The following PDZD2 variants were observed in gnomAD, a reference collection of about 807,000 sequenced individuals.
PDZD2 encodes the protein PDZ domain-containing protein 2.
PDZD2 carries 90 observed loss-of-function variants against 220.7 expected under a neutral mutation model. The observed-to-expected ratio is 0.41, with a 90% CI of 0.34 to 0.49. PDZD2 has a LOEUF of 0.49. Among genes scored for constraint, PDZD2 ranks in the 20% least tolerant of loss-of-function variants. The pLI, the probability that PDZD2 is intolerant of heterozygous loss-of-function variation, is 0.28. For missense variants in PDZD2, 3,174 were observed against 3,608.5 expected, an observed-to-expected ratio of 0.88 and a Z score of 3.08; for synonymous variants, 1,375 against 1,450.5, an observed-to-expected ratio of 0.95 and a Z score of 1.18.
chr5:32,102,710 C>G (rs1429285135), intron 24 of PDZD2, among the ~76,000 whole-genome samples: 1 of 152,100 alleles, frequency 6.6e-6, no homozygotes. Flanking sequence ...CAGGACACCC[C>G]ATTCATGACA....
In PDZD2 at chr5:31,983,395, C is replaced by G; in HGVS notation, c.717C>G (p.Gly239=). The G allele has an allele frequency of 6.2e-7, 1 of 1,614,208 alleles. No individual in the cohort carries two copies. Among genetic ancestry groups the G allele is most frequent in the Non-Finnish European group, 8.5e-7 (1 of 1,180,024 alleles). The change falls in exon 3 of 25, where the codon GGC becomes GGG. Residue 239 remains glycine (G), a synonymous_variant. Transcript: ENST00000438447. ...KAPEESKGSA[G]CEVSSDPSTE... ...CTGAAGAATCCAAGGGCAGCGCTGGCTGTGAGGTGTCCAGTGACCCCAGCA... is the reference window on the plus strand; with the variant it reads ...CTGAAGAATCCAAGGGCAGCGCTGGGTGTGAGGTGTCCAGTGACCCCAGCA...
rs750879713 is a variant in PDZD2 at position 32,089,335 on chromosome 5, C to T, written c.5887C>T (p.Pro1963Ser). Reference protein sequence around the residue: ...SPQCVLESKPPLATSGPLKPS... With the variant: ...SPQCVLESKPSLATSGPLKPS... ...CCAGTGTGTGCTGGAAAGCAAGCCA[C>T]CTCTTGCCACCTCTGGGCCACTGAA... Residue 1963 changes from proline (P) to serine (S), a missense_variant, in exon 20 of 25, where the codon CCT (proline) becomes TCT (serine). Transcript: ENST00000438447. 1.2e-6 allele frequency: 2 copies of T among 1,614,034 alleles called. No individual in the cohort carries two copies. Among genetic ancestry groups the T allele is most frequent in the East Asian group, 4.5e-5 (2 of 44,884 alleles).
At chr5:31,913,897 C>T (rs932573471) in intron 2 of PDZD2, among the ~76,000 whole-genome samples, 7 of 151,708 alleles carry the variant, frequency 4.6e-5, no homozygotes, top group South Asian at 2.1e-4. Flanking sequence ...TAGCAGCAAG[C>T]GGAGGAACAT....
intron 1 of PDZD2, among the ~76,000 whole-genome samples, chr5:31,790,949 C>T (rs12520120): frequency 0.067 from 10,159 of 151,858 alleles, 1,102 homozygotes; most frequent in East Asian, 0.52. Context: ...CCGCCCGCGT[C>T]GGCCTCCCAA....
intron 4 of PDZD2, among the ~76,000 whole-genome samples, chr5:31,997,960 C>T (rs1377920531): frequency 3.3e-5 from 5 of 152,098 alleles, no homozygotes; most frequent in African/African-American, 1.2e-4. Context: ...TTTCTGCCTC[C>T]ACCTCCCAAG....
At chr5:31,974,084 A>G (rs1319420882) in intron 2 of PDZD2, among the ~76,000 whole-genome samples, 1 of 152,156 alleles carries the variant, frequency 6.6e-6, no homozygotes, top group Non-Finnish European at 1.5e-5. Flanking sequence ...GGGCTCAAGC[A>G]ATTCTCCTGT....
chr5:32,056,108 T>C (rs1420555113), intron 10 of PDZD2, among the ~76,000 whole-genome samples: 2 of 152,184 alleles, frequency 1.3e-5, no homozygotes, highest in Admixed American at 1.3e-4. Context: ...ATTTTAAGAG[T>C]GCGAGTAATC....
chr5:31,859,906 CG>C (rs1561517321), intron 2 of PDZD2, among the ~76,000 whole-genome samples: 2 of 152,088 alleles, frequency 1.3e-5, no homozygotes, highest in East Asian at 3.9e-4. Context: ...GCTGGGGCCC[CG>C]GGTAGTTGCC....
rs1361618509 is a variant in PDZD2, at chr5:32,061,669, T to C, written c.2451+535T>C. On this transcript the variant is annotated intron_variant, in intron 14 of 24. Transcript: ENST00000438447. ...GACTCACACTGGTAATCCTAGCACT[T>C]TGGGAGGCCGAAGCAGGAGGATCAC... Among the ~76,000 whole-genome samples the C allele has an allele frequency of 6.6e-5, 10 of 152,154 alleles. No homozygotes were observed. The East Asian group carries it at 7.7e-4, about 12-fold the overall frequency.
At chr5:32,099,236 T>C (rs1159305058) in intron 23 of PDZD2, 2 of 152,726 alleles carry the variant, frequency 1.3e-5, no homozygotes, top group African/African-American at 4.8e-5. Context: ...TTTAATGCCC[T>C]GTTAAGTACT....
intron 2 of PDZD2, among the ~76,000 whole-genome samples, chr5:31,919,240 G>A (rs566776947): frequency 1.3e-5 from 2 of 152,270 alleles, no homozygotes; most frequent in African/African-American, 4.8e-5. Flanking sequence ...CAGCTACATT[G>A]CACATTTTCA....
At chr5:32,056,962 C>T (rs917209234) in intron 10 of PDZD2, among the ~76,000 whole-genome samples, 2 of 152,040 alleles carry the variant, frequency 1.3e-5, no homozygotes, top group African/African-American at 2.4e-5. Flanking sequence ...TATATGGTGG[C>T]GTGCACCTGT....
chr5:31,922,768 C>G lies in PDZD2; in HGVS notation c.477-60387C>G, dbSNP rs556945220. The stretch of plus-strand genomic sequence containing the variant: ...GCTGTAACCTCTGCCCCGCCCCCCC[C>G]TCCGGGCTCAAGTGACTCTCCTGCC... On this transcript the variant is annotated intron_variant, in intron 2 of 24. Transcript: ENST00000438447. Among the ~76,000 whole-genome samples the G allele has an allele frequency of 1.8e-4, 28 of 152,222 alleles. No homozygotes were observed. The South Asian group carries it at 5.8e-3, about 32-fold the overall frequency.
At position 32,081,464 on chromosome 5, in the gene PDZD2, G is replaced by A. The variant is rs150674166; in HGVS notation, c.3682+3858G>A. On this transcript the variant is annotated intron_variant, in intron 19 of 24. Coordinates refer to ENST00000438447, the MANE Select transcript of PDZD2 (RefSeq NM_178140.4). ...TTAAGGGTCCTCGTCAGGATTGATCGAGTTGCAGTGACACACTGGCACCCT... is the reference window on the plus strand; with the variant it reads ...TTAAGGGTCCTCGTCAGGATTGATCAAGTTGCAGTGACACACTGGCACCCT... Among the ~76,000 whole-genome samples the A allele has an allele frequency of 1.5e-4, 23 of 152,268 alleles. No homozygotes were observed. In the East Asian group the frequency reaches 3.7e-3, roughly 24 times the overall value.
chr5:31,662,826 T>G (rs1398964697), intron 1 of PDZD2, among the ~76,000 whole-genome samples: 1 of 152,174 alleles, frequency 6.6e-6, no homozygotes, highest in Non-Finnish European at 1.5e-5. Context: ...GAGACGGGGT[T>G]TCACCGTGTT....
chr5:31,750,820 G>A (rs1195001838), intron 1 of PDZD2, among the ~76,000 whole-genome samples: 3 of 152,216 alleles, frequency 2.0e-5, no homozygotes, highest in Non-Finnish European at 4.4e-5. Flanking sequence ...TGTGGCTGGA[G>A]TGGAGTGAGT....
intron 2 of PDZD2, among the ~76,000 whole-genome samples, chr5:31,892,112 A>T (rs1394645): frequency 0.33 from 49,446 of 151,702 alleles, 10,576 homozygotes; most frequent in African/African-American, 0.6. Flanking sequence ...TCTCATAATG[A>T]TGCCCAGGCT....
At chr5:31,957,523 A>G (rs1192894286) in intron 2 of PDZD2, among the ~76,000 whole-genome samples, 1 of 152,256 alleles carries the variant, frequency 6.6e-6, no homozygotes, top group Admixed American at 6.5e-5. Flanking sequence ...TTTGAGAATC[A>G]GAAGCCGGTA....
chr5:31,951,853 A>G (rs894283969), intron 2 of PDZD2, among the ~76,000 whole-genome samples: 1 of 152,220 alleles, frequency 6.6e-6, no homozygotes, highest in African/African-American at 2.4e-5. Context: ...TTGGAAAAAA[A>G]GTATGAAAAG....
Sources: gnomAD v4.1 joint callset for allele counts (sites outside exome capture counted in the v4.1 genomes callset) on GRCh38, gnomAD v4.1.1 for gene constraint, MANE v1.5 for transcripts, NCBI Gene and HGNC (gene_info 2026-07-23, HGNC 2026-07-21) for gene names.